The following ZNF107 variants were observed in gnomAD, a reference collection of about 807,000 sequenced individuals.
The protein encoded by ZNF107 is zinc finger protein 107, also known as C2H2 type zinc-finger protein.
Under a neutral mutation model 12.3 loss-of-function variants are expected in ZNF107, and 19 were observed. The observed-to-expected ratio is 1.55, with a 90% CI of 1.08 to 2.27. The LOEUF (loss-of-function observed/expected upper bound fraction) is 2.27. ZNF107 is among the 30% of genes most tolerant of loss of function. The pLI is 0.00. For missense variants in ZNF107, 958 were observed against 979.9 expected, an observed-to-expected ratio of 0.98 and a Z score of 0.30; for synonymous variants, 317 against 330.5, an observed-to-expected ratio of 0.96 and a Z score of 0.44.
intron 1 of ZNF107, among the ~76,000 whole-genome samples, chr7:64,671,888 TCTC>T (rs763542480): frequency 1.2e-4 from 18 of 151,350 alleles, no homozygotes; most frequent in Non-Finnish European, 2.4e-4. Context: ...TTCAGGCCAT[TCTC>T]CTGCCTCAGC....
chr7:64,706,203 C>T, intron 3 of ZNF107, 121 bp from the exon 4 acceptor site: 4 of 881,952 alleles, frequency 4.5e-6, no homozygotes, highest in Non-Finnish European at 6.5e-6. Flanking sequence ...GAAATTAGAG[C>T]CTGTGGTATT....
chr7:64,675,181 G>C (rs906014024), intron 1 of ZNF107, among the ~76,000 whole-genome samples: 8 of 152,106 alleles, frequency 5.3e-5, no homozygotes, highest in African/African-American at 1.9e-4. Context: ...AATGGTACCG[G>C]CTCTTCTTTG....
intron 1 of ZNF107, chr7:64,679,258 C>T (rs1018103896): frequency 3.4e-5 from 33 of 985,060 alleles, no homozygotes; most frequent in Middle Eastern, 5.2e-4. Flanking sequence ...CCCCTTCCCC[C>T]GACTTCTTGA....
Position 64,707,115 on chromosome 7 carries a change from C to G in ZNF107, c.1018C>G (p.Pro340Ala). ...NHKRIHAGEKPYKCKECGRAF... is the reference protein window; with the variant it reads ...NHKRIHAGEKAYKCKECGRAF... Reference sequence around the variant, plus strand: ...TAAGAGAATTCATGCTGGGGAGAAACCCTACAAATGTAAAGAATGTGGCAG... The same window carrying G: ...TAAGAGAATTCATGCTGGGGAGAAAGCCTACAAATGTAAAGAATGTGGCAG... The change falls in exon 4 of 4, where the codon CCC becomes GCC. Residue 340 changes from proline to alanine, a missense_variant. By Grantham distance (27) the Pro-to-Ala change is conservative. Transcript: ENST00000620827. 1.2e-6 allele frequency: 2 copies of G among 1,613,050 alleles called. No homozygotes were observed. The highest frequency in any genetic ancestry group is 3.3e-5 in the Admixed American group (2 of 59,844).
At chr7:64,682,620 T>C (rs1789729590) in intron 1 of ZNF107, among the ~76,000 whole-genome samples, 1 of 152,136 alleles carries the variant, frequency 6.6e-6, no homozygotes, top group Non-Finnish European at 1.5e-5. Context: ...GGCCTACTTA[T>C]CTAAACTTGA....
Position 64,708,056 on chromosome 7 carries a change from A to G in ZNF107, c.1959A>G (p.Glu653=), listed in dbSNP as rs777399751. ...GAGAGAACCTCTACAAATTTGAAGAACATGGAAAAGCTTTTAACCTATTCT... is the reference window on the plus strand; with the variant it reads ...GAGAGAACCTCTACAAATTTGAAGAGCATGGAAAAGCTTTTAACCTATTCT... ...HTGENLYKFE[E]HGKAFNLFSN... Residue 653 remains glutamate (E), a synonymous_variant, in exon 4 of 4, where the codon GAA becomes GAG. Transcript: ENST00000620827. The G allele has an allele frequency of 6.2e-7, 1 of 1,613,678 alleles. No individual in the cohort carries two copies. Among genetic ancestry groups the G allele is most frequent in the Admixed American group, 1.7e-5 (1 of 60,006 alleles).
chr7:64,686,780 C>T (rs896179933), intron 1 of ZNF107: 3 of 852,304 alleles, frequency 3.5e-6, no homozygotes, highest in East Asian at 1.2e-4. Flanking sequence ...ATTTTCCACC[C>T]GCCACTTTGC....
At chr7:64,678,548 TTGAA>T (rs1247948726) in intron 1 of ZNF107, among the ~76,000 whole-genome samples, 1 of 152,210 alleles carries the variant, frequency 6.6e-6, no homozygotes, top group African/African-American at 2.4e-5. Context: ...AATATTTACT[TTGAA>T]TGAATCCCTT....
At chr7:64,674,116 A>G (rs1789333608) in intron 1 of ZNF107, among the ~76,000 whole-genome samples, 1 of 141,448 alleles carries the variant, frequency 7.1e-6, no homozygotes, top group Non-Finnish European at 1.6e-5. Flanking sequence ...ATGAATTTTA[A>G]AATAGGTGTT....
intron 1 of ZNF107, among the ~76,000 whole-genome samples, chr7:64,676,587 A>C (rs1689856964): frequency 6.6e-6 from 1 of 152,182 alleles, no homozygotes; most frequent in African/African-American, 2.4e-5. Context: ...CAAACTCATT[A>C]AGCCAAAGAG....
intron 3 of ZNF107, among the ~76,000 whole-genome samples, chr7:64,695,524 GT>G (rs1228995829): frequency 1.3e-5 from 2 of 152,044 alleles, no homozygotes; most frequent in African/African-American, 4.8e-5. Flanking sequence ...AGATTATTGT[GT>G]TTTGTTTTAT....
intron 3 of ZNF107, among the ~76,000 whole-genome samples, chr7:64,698,248 AAATG>A (rs1260831787): frequency 6.6e-6 from 1 of 151,898 alleles, no homozygotes; most frequent in Non-Finnish European, 1.5e-5. Context: ...GTCCATTTCT[AAATG>A]AAGTAATTCA....
At chr7:64,677,452 A>T (rs1789458518) in intron 1 of ZNF107, among the ~76,000 whole-genome samples, 1 of 140,970 alleles carries the variant, frequency 7.1e-6, no homozygotes, top group Admixed American at 7.2e-5. Flanking sequence ...GATTACAGGC[A>T]TGAGCCACCG....
chr7:64,691,181 A>AT (rs928386619), intron 1 of ZNF107, 67 bp from the exon 2 acceptor site: 3 of 1,313,692 alleles, frequency 2.3e-6, no homozygotes, highest in African/African-American at 3.1e-5. Flanking sequence ...TATCCTATAC[A>AT]TTTTTTTAAA....
chr7:64,709,143 G>T lies in ZNF107; in HGVS notation c.*487G>T. The T allele has an allele frequency of 2.2e-6, 1 of 461,996 alleles. No homozygotes were observed. The allele number at this position is 461,996 out of a possible 1,614,324, so 28.6% of individuals were successfully genotyped here. A position where few individuals can be genotyped will look rare whatever the true frequency, so the allele number is the denominator to read the frequency against. Reference sequence around the variant, plus strand: ...AAAGCCTACAATTGTGAAGAATGTGGCAAAGCTTTTAACCTTCCTTAACCC... The same window carrying T: ...AAAGCCTACAATTGTGAAGAATGTGTCAAAGCTTTTAACCTTCCTTAACCC... On this transcript the variant is annotated 3_prime_UTR_variant, in exon 4 of 4. Transcript: ENST00000620827.
rs190947635 is a variant in ZNF107 at position 64,706,124 on chromosome 7, A to G, written c.227-200A>G. Among the ~76,000 whole-genome samples, 6 of 152,044 alleles carry G rather than the reference A, an allele frequency of 3.9e-5. No homozygotes were observed. In the East Asian group the frequency reaches 1.2e-3, roughly 30 times the overall value. ...TCACCTAGGGCACTGCACACACTGA[A>G]CTCATTTATAAATTTTCCACAAATG... is the stretch of plus-strand genomic sequence containing the variant. On this transcript the variant is annotated intron_variant, in intron 3 of 3. Coordinates refer to ENST00000620827, the MANE Select transcript of ZNF107 (RefSeq NM_001282359.2).
At chr7:64,703,939 C>T (rs1054667389) in intron 3 of ZNF107, among the ~76,000 whole-genome samples, 1 of 151,304 alleles carries the variant, frequency 6.6e-6, no homozygotes, top group African/African-American at 2.4e-5. Flanking sequence ...TGTATATCTA[C>T]ACAGATATAT....
chr7:64,709,545 T>C lies in ZNF107; in HGVS notation c.*889T>C. 2 of 370,438 alleles carry C rather than the reference T, an allele frequency of 5.4e-6. No individual in the cohort carries two copies. Among genetic ancestry groups the C allele is most frequent in the Non-Finnish European group, 1.0e-5 (2 of 191,990 alleles). 22.9% of individuals were successfully genotyped at this position (370,438 alleles called of 1,614,324 possible). Reference sequence around the variant, plus strand: ...TGAAAAATCCTAGAAATGTGAAAAATATCACAAAGCCTTTAAATGGTTGTC... The same window carrying C: ...TGAAAAATCCTAGAAATGTGAAAAACATCACAAAGCCTTTAAATGGTTGTC... On this transcript the variant is annotated 3_prime_UTR_variant, in exon 4 of 4. Transcript: ENST00000620827.
Position 64,708,926 on chromosome 7 carries a change from T to C in ZNF107, c.*270T>C. 1.8e-6 allele frequency: 1 copy of C among 547,094 alleles called. No homozygotes were observed. The highest frequency in any genetic ancestry group is 3.3e-6 in the Non-Finnish European group (1 of 301,862). 33.9% of individuals were successfully genotyped at this position (547,094 alleles called of 1,614,324 possible). ...CCTTTAACTGATCCTCAACTTTTAC[T>C]AAACATAAGGTAATTCATACTGGAG... On this transcript the variant is annotated 3_prime_UTR_variant, in exon 4 of 4. Coordinates refer to ENST00000620827, the MANE Select transcript of ZNF107 (RefSeq NM_001282359.2).
Sources: gnomAD v4.1 joint callset for allele counts (sites outside exome capture counted in the v4.1 genomes callset) on GRCh38, gnomAD v4.1.1 for gene constraint, MANE v1.5 for transcripts, NCBI Gene and HGNC (gene_info 2026-07-23, HGNC 2026-07-21) for gene names.